Variants in LRRTM4 observed in about 807,000 individuals in gnomAD.
LRRTM4 encodes leucine-rich repeat transmembrane neuronal protein 4.
A neutral mutation model predicts 47.6 loss-of-function variants in LRRTM4; 25 were observed. The observed-to-expected ratio is 0.53, with a 90% CI of 0.38 to 0.73. The LOEUF is 0.73. Among genes scored for constraint, LRRTM4 ranks in the 30% least tolerant of loss-of-function variants. LRRTM4 has a pLI of 0.00. For missense variants in LRRTM4, 638 were observed against 713.4 expected (o/e 0.89, Z 1.20); for synonymous variants, 311 against 269.5 (o/e 1.15, Z -1.51).
At chr2:77,274,095 C>T (rs997782630) in intron 3 of LRRTM4, among the ~76,000 whole-genome samples, 2 of 151,948 alleles carry the variant, frequency 1.3e-5, no homozygotes, top group Non-Finnish European at 2.9e-5. Context: ...TTCCAAAGCC[C>T]TCACACTCTG....
rs562519205 is a variant in LRRTM4 at position 77,137,845 on chromosome 2, C to T, written c.1551+380473G>A. 2.0e-5 allele frequency among the ~76,000 whole-genome samples: 3 copies of T among 152,082 alleles called. No homozygotes were observed. The South Asian group carries it at 6.2e-4, about 31-fold the overall frequency. ...CAATCCTAGTCTCTGATAAAACAGA[C>T]TTTAAACCAACAGAGATCAAAAGAG... On this transcript the variant is annotated intron_variant, in intron 3 of 3. Coordinates refer to ENST00000409884, the MANE Select transcript of LRRTM4 (RefSeq NM_001134745.3).
At chr2:76,935,210 C>T (rs1482010938) in intron 3 of LRRTM4, among the ~76,000 whole-genome samples, 1 of 152,082 alleles carries the variant, frequency 6.6e-6, no homozygotes, top group African/African-American at 2.4e-5. Flanking sequence ...CATATTCTTT[C>T]AGGCCAAATT....
At chr2:77,219,834 T>C (rs774061315) in intron 3 of LRRTM4, among the ~76,000 whole-genome samples, 26 of 152,180 alleles carry the variant, frequency 1.7e-4, no homozygotes, top group Non-Finnish European at 3.1e-4. Flanking sequence ...TAAATGTCCC[T>C]GTCTGACAGC....
At chr2:77,100,055 T>C (rs1670912313) in intron 3 of LRRTM4, among the ~76,000 whole-genome samples, 1 of 152,164 alleles carries the variant, frequency 6.6e-6, no homozygotes. Flanking sequence ...TGGTGTCCTC[T>C]TGGTCCTTTA....
chr2:77,339,628 A>G (rs914827164), intron 3 of LRRTM4, among the ~76,000 whole-genome samples: 1 of 152,050 alleles, frequency 6.6e-6, no homozygotes, highest in African/African-American at 2.4e-5. Flanking sequence ...TAATTACTAT[A>G]ATTTCCAGAG....
chr2:76,794,955 G>C (rs1295355510), intron 3 of LRRTM4, among the ~76,000 whole-genome samples: 1 of 152,098 alleles, frequency 6.6e-6, no homozygotes, highest in Non-Finnish European at 1.5e-5. Flanking sequence ...ACTGATAGAA[G>C]AATATCTTAA....
intron 3 of LRRTM4, among the ~76,000 whole-genome samples, chr2:77,446,527 CTT>C (rs932907188): frequency 1.3e-5 from 2 of 152,054 alleles, no homozygotes; most frequent in Middle Eastern, 3.2e-3. Context: ...TTACAACTAA[CTT>C]AGTACCATCA....
chr2:77,049,965 A>T (rs1679374204), intron 3 of LRRTM4, among the ~76,000 whole-genome samples: 1 of 152,072 alleles, frequency 6.6e-6, no homozygotes, highest in African/African-American at 2.4e-5. Flanking sequence ...AAATGACCAA[A>T]GTTGAGAAAT....
At chr2:77,096,544 A>G (rs1461810235) in intron 3 of LRRTM4, among the ~76,000 whole-genome samples, 1 of 151,578 alleles carries the variant, frequency 6.6e-6, no homozygotes, top group Non-Finnish European at 1.5e-5. Flanking sequence ...AAAAGTCGAG[A>G]ATAAAAGACA....
At chr2:76,811,937 T>C (rs1670746337) in intron 3 of LRRTM4, among the ~76,000 whole-genome samples, 1 of 152,192 alleles carries the variant, frequency 6.6e-6, no homozygotes, top group Non-Finnish European at 1.5e-5. Context: ...ATGTAATAGG[T>C]TTACTCCTTT....
chr2:77,016,383 TA>T (rs75200969), intron 3 of LRRTM4, among the ~76,000 whole-genome samples: 665 of 133,306 alleles, frequency 5.0e-3, no homozygotes, highest in Middle Eastern at 8.1e-3. Context: ...GAACTCCATT[TA>T]AAAAAAAAAA....
chr2:76,992,788 T>C (rs1399799388), intron 3 of LRRTM4, among the ~76,000 whole-genome samples: 1 of 147,578 alleles, frequency 6.8e-6, no homozygotes, highest in African/African-American at 2.5e-5. Flanking sequence ...AAAATTCATA[T>C]GGAATAAAAA....
chr2:77,216,120 G>T (rs758928206), intron 3 of LRRTM4, among the ~76,000 whole-genome samples: 6 of 151,948 alleles, frequency 3.9e-5, no homozygotes, highest in Non-Finnish European at 7.4e-5. Context: ...ACTAATACTT[G>T]AATACACTAG....
At chr2:77,480,029 C>T (rs1677609082) in intron 3 of LRRTM4, among the ~76,000 whole-genome samples, 1 of 152,092 alleles carries the variant, frequency 6.6e-6, no homozygotes, top group Admixed American at 6.5e-5. Flanking sequence ...GTGGTGATAT[C>T]ACCACCATCT....
intron 3 of LRRTM4, among the ~76,000 whole-genome samples, chr2:76,983,086 A>G (rs1676670104): frequency 6.6e-6 from 1 of 152,088 alleles, no homozygotes; most frequent in South Asian, 2.1e-4. Context: ...AACAGATTTT[A>G]AATAATAGTT....
At chr2:77,421,718 G>A (rs1330850603) in intron 3 of LRRTM4, among the ~76,000 whole-genome samples, 3 of 150,478 alleles carry the variant, frequency 2.0e-5, no homozygotes, top group African/African-American at 7.5e-5. Flanking sequence ...AAAAAAAAAA[G>A]GAAGAGTCCA....
intron 3 of LRRTM4, among the ~76,000 whole-genome samples, chr2:77,024,621 CTTTTT>C (rs953812122): frequency 1.3e-5 from 2 of 151,680 alleles, no homozygotes; most frequent in African/African-American, 4.8e-5. Flanking sequence ...AATCTCTTCT[CTTTTT>C]GTTTTTATAG....
chr2:76,778,991 C>T (rs202040241), intron 3 of LRRTM4, among the ~76,000 whole-genome samples: 89,867 of 130,186 alleles, frequency 0.69, 32,232 homozygotes, highest in African/African-American at 0.85. Flanking sequence ...AAAGAACATC[C>T]TTATTTGTGC....
chr2:76,984,503 G>GC (rs1321958313), intron 3 of LRRTM4, among the ~76,000 whole-genome samples: 3 of 151,968 alleles, frequency 2.0e-5, no homozygotes, highest in South Asian at 2.1e-4. Context: ...GTAACATTTG[G>GC]CCTATGGGAC....
Sources: allele counts gnomAD v4.1 joint callset (sites outside exome capture counted in the v4.1 genomes callset), GRCh38; gene constraint gnomAD v4.1.1; transcripts MANE v1.5; gene names NCBI Gene and HGNC (gene_info 2026-07-23, HGNC 2026-07-21).